Variants in KIF1B observed in about 807,000 individuals in gnomAD.
KIF1B encodes kinesin family member 1B.
KIF1B carries 76 observed loss-of-function variants against 241.9 expected under a neutral mutation model. The ratio of observed to expected loss-of-function variants is 0.31; its 90% CI spans 0.26 to 0.38. KIF1B has a LOEUF of 0.38. KIF1B is among the 10% of genes least tolerant of loss of function. The pLI is 1.00. For synonymous variants in KIF1B, 750 were observed against 796.7 expected (o/e 0.94, Z 0.99); for missense variants, 1,622 against 2,271.4 (o/e 0.71, Z 5.81).
At chr1:10,362,757 A>G (rs1448493592) in intron 40 of KIF1B, among the ~76,000 whole-genome samples, 1 of 152,144 alleles carries the variant, frequency 6.6e-6, no homozygotes, top group Non-Finnish European at 1.5e-5. Context: ...TATTCACCCT[A>G]TTGAAATAAA....
intron 2 of KIF1B, among the ~76,000 whole-genome samples, chr1:10,249,475 G>A (rs962930459): frequency 6.6e-6 from 1 of 152,136 alleles, no homozygotes; most frequent in African/African-American, 2.4e-5. Context: ...TTGAGTCCTT[G>A]GTATAGGGCA....
intron 22 of KIF1B, chr1:10,306,775 A>AG: frequency 1.0e-6 from 1 of 1,000,720 alleles, no homozygotes; most frequent in East Asian, 5.7e-5. Flanking sequence ...AAAAAAAAAA[A>AG]AAAAAAAAAG....
chr1:10,379,658 G>A lies in KIF1B; in HGVS notation c.*3071G>A, dbSNP rs1638974421. The A allele has an allele frequency of 4.3e-6, 1 of 231,396 alleles. No homozygotes were observed. Among genetic ancestry groups the A allele is most frequent in the South Asian group, 1.8e-4 (1 of 5,516 alleles). The allele number at this position is 231,396 out of a possible 1,614,324, so 14.3% of individuals were successfully genotyped here. A position where few individuals can be genotyped will look rare whatever the true frequency, so the allele number is the denominator to read the frequency against. ...AGCAAAAACTTTAAAAGGCAGGAAA[G>A]AGAATTCTTAGGCAAATTCAGAGAA... is the stretch of plus-strand genomic sequence containing the variant. On this transcript the variant is annotated 3_prime_UTR_variant, in exon 49 of 49. Coordinates refer to ENST00000676179, the MANE Select transcript of KIF1B (RefSeq NM_001365951.3).
At chr1:10,263,962 A>C (rs1441548449) in intron 5 of KIF1B, among the ~76,000 whole-genome samples, 1 of 152,030 alleles carries the variant, frequency 6.6e-6, no homozygotes, top group Non-Finnish European at 1.5e-5. Flanking sequence ...AGGCCTCTAC[A>C]TTTACTTCTC....
intron 26 of KIF1B, among the ~76,000 whole-genome samples, chr1:10,325,903 T>G (rs1365055912): frequency 6.6e-6 from 1 of 152,238 alleles, no homozygotes; most frequent in African/African-American, 2.4e-5. Flanking sequence ...TTCTAAGGAT[T>G]AGTCCTTACA....
intron 31 of KIF1B, 109 bp from the exon 32 acceptor site, chr1:10,339,660 G>T (rs1379566005): frequency 2.3e-6 from 2 of 877,208 alleles, no homozygotes; most frequent in Non-Finnish European, 3.7e-6. Flanking sequence ...TAAAGAATCT[G>T]CTTAAGTGGA....
chr1:10,250,350 T>TG (rs1191837581), intron 2 of KIF1B, among the ~76,000 whole-genome samples: 1 of 151,774 alleles, frequency 6.6e-6, no homozygotes. Flanking sequence ...ACTTTTTTTT[T>TG]TTTTTTGAAA....
Position 10,256,316 on chromosome 1 carries a change from A to T in KIF1B, c.176A>T (p.His59Leu), listed in dbSNP as rs1383332977. 3 of 1,602,394 alleles carry T rather than the reference A, an allele frequency of 1.9e-6. No homozygotes were observed. The South Asian group carries it at 3.3e-5, about 18-fold the overall frequency. ...AGCTTCGACTATTCCTACTGGTCTC[A>T]TACCTCAGTGAGTACCCTCATGCCA... ...SFSFDYSYWS[H>L]TSPEDPCFAS... Residue 59 changes from histidine (H) to leucine (L), a missense_variant, in exon 3 of 49, where the codon CAT (histidine) becomes CTT (leucine). Around this residue, in one of 7 missense-constraint regions of KIF1B, gnomAD observed 156 missense variants for 244.8 expected, o/e 0.64. Coordinates refer to ENST00000676179, the MANE Select transcript of KIF1B (RefSeq NM_001365951.3).
rs765236286 is a variant in KIF1B at position 10,315,171 on chromosome 1, CTTTTTTTTT to C, written c.2116-4854_2116-4846del. 1.1e-4 allele frequency among the ~76,000 whole-genome samples: 9 copies of C among 80,044 alleles called. No homozygotes were observed. The East Asian group carries it at 1.5e-3, about 13-fold the overall frequency. 52.5% of individuals were successfully genotyped at this position (80,044 alleles called of 152,430 possible). A position where few individuals can be genotyped will look rare whatever the true frequency, so the allele number is the denominator to read the frequency against. ...CTTATCTCTTAAAATCAAGAATATTCTTTTTTTTTTTTTTTTTTTTTTTTTTAAGACGGA... is the reference window on the plus strand; with the variant it reads ...CTTATCTCTTAAAATCAAGAATATTCTTTTTTTTTTTTTTTTTAAGACGGA... On this transcript the variant is annotated intron_variant, in intron 22 of 48. Coordinates refer to ENST00000676179, the MANE Select transcript of KIF1B (RefSeq NM_001365951.3).
At chr1:10,309,068 T>C (rs1358907932) in intron 22 of KIF1B, among the ~76,000 whole-genome samples, 4 of 152,198 alleles carry the variant, frequency 2.6e-5, no homozygotes, top group African/African-American at 9.6e-5. Context: ...CCCAGAGTAT[T>C]GATGGTACAC....
intron 15 of KIF1B, among the ~76,000 whole-genome samples, chr1:10,288,306 T>C (rs534269078): frequency 6.6e-6 from 1 of 152,322 alleles, no homozygotes; most frequent in East Asian, 1.9e-4. Flanking sequence ...GATAAACTAT[T>C]GAAAACTTGG....
intron 22 of KIF1B, chr1:10,306,563 C>A: frequency 4.0e-6 from 2 of 497,060 alleles, no homozygotes; most frequent in Non-Finnish European, 5.5e-6. Context: ...GTACACTATG[C>A]CAGTTGGGTG....
rs537619998 is a variant in KIF1B, at chr1:10,288,119, G to A, written c.1435-2963G>A. 4.3e-4 allele frequency among the ~76,000 whole-genome samples: 66 copies of A among 152,116 alleles called. 1 individual carries two copies. The highest frequency in any genetic ancestry group is 1.3e-3 in the African/African-American group (56 of 41,482). On this transcript the variant is annotated intron_variant, in intron 15 of 48. Coordinates refer to ENST00000676179, the MANE Select transcript of KIF1B (RefSeq NM_001365951.3). Reference sequence around the variant, plus strand: ...TTAAAATCATATGCAGGGTGGGGCTGGGAGGAAAAGAAAAAAAAGGAAAAA... The same window carrying A: ...TTAAAATCATATGCAGGGTGGGGCTAGGAGGAAAAGAAAAAAAAGGAAAAA...
intron 3 of KIF1B, among the ~76,000 whole-genome samples, chr1:10,257,981 G>T (rs1647898810): frequency 6.6e-6 from 1 of 152,190 alleles, no homozygotes. Context: ...CCTGCCCTGG[G>T]GAATCGATGT....
chr1:10,343,772 A>C (rs1191010251), intron 34 of KIF1B, among the ~76,000 whole-genome samples: 1 of 151,960 alleles, frequency 6.6e-6, no homozygotes, highest in Non-Finnish European at 1.5e-5. Context: ...ACAATATAAA[A>C]TAAAATAAAA....
In KIF1B at chr1:10,361,838, C is replaced by T. The variant is rs1245571633; in HGVS notation, c.4304+13C>T. 1.9e-6 allele frequency: 3 copies of T among 1,613,144 alleles called. No homozygotes were observed. Among genetic ancestry groups the T allele is most frequent in the South Asian group, 1.1e-5 (1 of 91,088 alleles). On this transcript the variant is annotated intron_variant, in intron 40 of 48. Transcript: ENST00000676179. ...AGTCACCAGATTCGTAAGTTTTTCACACAAGTTAGCTTCCAGTGTGTTTGT... is the reference window on the plus strand; with the variant it reads ...AGTCACCAGATTCGTAAGTTTTTCATACAAGTTAGCTTCCAGTGTGTTTGT...
intron 40 of KIF1B, 151 bp from the exon 41 acceptor site, chr1:10,363,132 C>T: frequency 1.6e-6 from 1 of 627,828 alleles, no homozygotes; most frequent in East Asian, 2.8e-5. Context: ...TACTTAGGTT[C>T]AAAATAAGAA....
At chr1:10,335,842 A>G (rs997495896) in intron 28 of KIF1B, among the ~76,000 whole-genome samples, 10 of 60,886 alleles carry the variant, frequency 1.6e-4, no homozygotes, top group Admixed American at 9.1e-4. Flanking sequence ...AAAACAATTG[A>G]AAAAAAAAAA....
chr1:10,315,521 CTGATTCAATAT>C (rs1215590316), intron 22 of KIF1B, among the ~76,000 whole-genome samples: 1 of 151,372 alleles, frequency 6.6e-6, no homozygotes, highest in African/African-American at 2.5e-5. Flanking sequence ...AAATTTAATA[CTGATTCAATAT>C]TGATTCAATA....
Sources: gnomAD v4.1 joint callset for allele counts (sites outside exome capture counted in the v4.1 genomes callset) on GRCh38, gnomAD v4.1.1 for gene constraint, gnomAD v4.1.1 regional missense constraint, MANE v1.5 for transcripts, NCBI Gene and HGNC (gene_info 2026-07-23, HGNC 2026-07-21) for gene names.